The following EPHA7 variants were observed in gnomAD, a reference collection of about 807,000 sequenced individuals.
EPHA7 encodes ephrin type-A receptor 7.
Under a neutral mutation model 112.6 loss-of-function variants are expected in EPHA7, and 25 were observed. That is an observed-to-expected ratio of 0.22 (90% CI 0.16 to 0.31). The LOEUF is 0.31. Ranked by LOEUF, EPHA7 falls within the 10% of genes least tolerant of loss-of-function variation. The pLI is 1.00. For missense variants in EPHA7, 962 were observed against 1,212.6 expected, an observed-to-expected ratio of 0.79 and a Z score of 3.07; for synonymous variants, 437 against 406.5, an observed-to-expected ratio of 1.07 and a Z score of -0.90.
At chr6:93,269,360 T>C in intron 7 of EPHA7, 117 bp downstream of exon 7, 2 of 713,050 alleles carry the variant, frequency 2.8e-6, no homozygotes, top group South Asian at 2.8e-5. Flanking sequence ...TGTACATATA[T>C]ATTTATTTGT....
At chr6:93,417,227 T>C (rs1041193484) in intron 1 of EPHA7, among the ~76,000 whole-genome samples, 2 of 152,152 alleles carry the variant, frequency 1.3e-5, no homozygotes, top group Non-Finnish European at 2.9e-5. Flanking sequence ...TATCTTCCTC[T>C]AGCCACCCCC....
chr6:93,360,540 A>G (rs1776211439), intron 3 of EPHA7, among the ~76,000 whole-genome samples: 1 of 152,102 alleles, frequency 6.6e-6, no homozygotes, highest in Non-Finnish European at 1.5e-5. Context: ...ACGATTTAAC[A>G]TTTCCAAAAT....
At chr6:93,358,442 A>G (rs1776069612) in intron 3 of EPHA7, 31 bp from the exon 4 acceptor site, 1 of 1,560,292 alleles carries the variant, frequency 6.4e-7, no homozygotes, top group Non-Finnish European at 8.7e-7. Flanking sequence ...AAAAATTGAG[A>G]CATGAGAGCA....
At chr6:93,247,487 CTTATTG>C (rs1196944715) in intron 14 of EPHA7, among the ~76,000 whole-genome samples, 5 of 152,034 alleles carry the variant, frequency 3.3e-5, no homozygotes, top group African/African-American at 1.2e-4. Flanking sequence ...TAATATGAAG[CTTATTG>C]TTAGTGTTAT....
chr6:93,332,814 A>T (rs1347282727), intron 5 of EPHA7, among the ~76,000 whole-genome samples: 1 of 151,770 alleles, frequency 6.6e-6, no homozygotes, highest in Non-Finnish European at 1.5e-5. Flanking sequence ...TAAACATAAG[A>T]AATGCTGGCT....
intron 5 of EPHA7, among the ~76,000 whole-genome samples, chr6:93,329,370 A>G (rs1774476405): frequency 6.6e-6 from 1 of 151,460 alleles, no homozygotes; most frequent in Non-Finnish European, 1.5e-5. Flanking sequence ...GCTTTTGTTA[A>G]TTAGTATATA....
chr6:93,362,837 A>C (rs1776324684), intron 3 of EPHA7, among the ~76,000 whole-genome samples: 1 of 152,146 alleles, frequency 6.6e-6, no homozygotes, highest in Admixed American at 6.5e-5. Context: ...TACTTGGTCC[A>C]GTTTTTTAGG....
At chr6:93,319,507 G>A (rs1773965332) in intron 5 of EPHA7, among the ~76,000 whole-genome samples, 1 of 152,078 alleles carries the variant, frequency 6.6e-6, no homozygotes, top group South Asian at 2.1e-4. Flanking sequence ...CTGAGGAGGT[G>A]GGATAGGCAG....
intron 5 of EPHA7, among the ~76,000 whole-genome samples, chr6:93,299,509 A>G (rs954434996): frequency 7.2e-5 from 11 of 152,168 alleles, no homozygotes; most frequent in Non-Finnish European, 1.3e-4. Flanking sequence ...TTGCAGAAAA[A>G]AGAGAACATT....
chr6:93,386,046 C>T (rs1777587993), intron 3 of EPHA7, among the ~76,000 whole-genome samples: 1 of 152,138 alleles, frequency 6.6e-6, no homozygotes, highest in South Asian at 2.1e-4. Flanking sequence ...GATTACAATT[C>T]AAGATGAAAT....
chr6:93,345,494 C>T (rs1775358244), intron 5 of EPHA7, among the ~76,000 whole-genome samples: 1 of 151,678 alleles, frequency 6.6e-6, no homozygotes, highest in Admixed American at 6.6e-5. Context: ...TCTGCTCTGC[C>T]TTGTCCCTGA....
At chr6:93,311,476 A>C (rs532848517) in intron 5 of EPHA7, among the ~76,000 whole-genome samples, 17 of 152,162 alleles carry the variant, frequency 1.1e-4, no homozygotes, top group Non-Finnish European at 2.1e-4. Context: ...CTCCTCATCC[A>C]TTGCAGTTTT....
chr6:93,245,217 T>C, intron 16 of EPHA7, 81 bp downstream of exon 16: 1 of 1,298,118 alleles, frequency 7.7e-7, no homozygotes, highest in South Asian at 1.4e-5. Flanking sequence ...ATTCTTTTAA[T>C]ATAAAGAAGA....
chr6:93,246,185 G>A (rs1270342803), intron 15 of EPHA7, among the ~76,000 whole-genome samples: 1 of 151,898 alleles, frequency 6.6e-6, no homozygotes, highest in Non-Finnish European at 1.5e-5. Context: ...CCAAGTAGCT[G>A]AGATTACAGG....
At chr6:93,351,416 C>G (rs1337705605) in intron 5 of EPHA7, among the ~76,000 whole-genome samples, 1 of 151,974 alleles carries the variant, frequency 6.6e-6, no homozygotes, top group Non-Finnish European at 1.5e-5. Context: ...TATTTGCTTC[C>G]TGGGGAGCCC....
At chr6:93,274,344 G>A (rs529496739) in intron 5 of EPHA7, among the ~76,000 whole-genome samples, 1 of 151,886 alleles carries the variant, frequency 6.6e-6, no homozygotes, top group African/African-American at 2.4e-5. Context: ...ACCCTATTTA[G>A]TTTCTGATAC....
At chr6:93,395,366 C>T (rs541975911) in intron 3 of EPHA7, among the ~76,000 whole-genome samples, 2 of 151,856 alleles carry the variant, frequency 1.3e-5, no homozygotes, top group Admixed American at 1.3e-4. Context: ...GAAACTGAAT[C>T]TTCTCTTTCT....
chr6:93,300,777 T>C (rs953422443), intron 5 of EPHA7, among the ~76,000 whole-genome samples: 1 of 152,210 alleles, frequency 6.6e-6, no homozygotes, highest in African/African-American at 2.4e-5. Context: ...ATGAAACAAA[T>C]ATACAGTCAT....
chr6:93,413,580 T>C (rs1427988690), intron 2 of EPHA7, among the ~76,000 whole-genome samples: 10 of 152,032 alleles, frequency 6.6e-5, no homozygotes, highest in African/African-American at 2.4e-4. Context: ...AAGAAAGGTG[T>C]TATATTCATA....
Sources: gnomAD v4.1 joint callset for allele counts (sites outside exome capture counted in the v4.1 genomes callset) on GRCh38, gnomAD v4.1.1 for gene constraint, MANE v1.5 for transcripts, NCBI Gene and HGNC (gene_info 2026-07-23, HGNC 2026-07-21) for gene names.